SPIRE1: variants seen among roughly 807,000 people sequenced by gnomAD.
The protein encoded by SPIRE1 is spire type actin nucleation factor 1.
Under a neutral mutation model 94.1 loss-of-function variants are expected in SPIRE1, and 40 were observed. That is an observed-to-expected ratio of 0.43 (90% CI 0.33 to 0.55). The LOEUF is 0.55. Among genes scored for constraint, SPIRE1 ranks in the 20% least tolerant of loss-of-function variants. The pLI is 0.06. For synonymous variants in SPIRE1, 376 were observed against 371.7 expected (o/e 1.01, Z -0.13); for missense variants, 838 against 975.2 (o/e 0.86, Z 1.87).
At chr18:12,652,760 T>C (rs1196006676) in intron 1 of SPIRE1, among the ~76,000 whole-genome samples, 1 of 152,230 alleles carries the variant, frequency 6.6e-6, no homozygotes, top group Non-Finnish European at 1.5e-5. Context: ...ATAGCATATT[T>C]CTATTTATTT....
At chr18:12,617,184 G>T (rs2037334869) in intron 2 of SPIRE1, among the ~76,000 whole-genome samples, 1 of 147,694 alleles carries the variant, frequency 6.8e-6, no homozygotes, top group South Asian at 2.2e-4. Flanking sequence ...TTTTGAAATG[G>T]GGTCTCGCTC....
In SPIRE1 at chr18:12,657,743, G is replaced by A. The variant is rs544916918; in HGVS notation, c.124C>T (p.Leu42=). 2.0e-5 allele frequency: 28 copies of A among 1,373,484 alleles called. No individual in the cohort carries two copies. The Admixed American group carries it at 3.9e-4, about 19-fold the overall frequency. The allele number at this position is 1,373,484 out of a possible 1,614,324, so 85.1% of individuals were successfully genotyped here. A position where few individuals can be genotyped will look rare whatever the true frequency, so the allele number is the denominator to read the frequency against. The change falls in exon 1 of 17, where the codon CTG becomes TTG. Residue 42 remains leucine, a synonymous_variant. Transcript: ENST00000409402. ...TTGTACAGCCGCAGGATCTCCTCCA[G>A]GCTCAGCGCGTCCCGGGAGCCCCCG... ...AAGGSRDALS[L]EEILRLYNQP...
chr18:12,540,364 C>T (rs959843658), intron 3 of SPIRE1, among the ~76,000 whole-genome samples: 1 of 152,086 alleles, frequency 6.6e-6, no homozygotes, highest in Non-Finnish European at 1.5e-5. Flanking sequence ...TGAACTACCC[C>T]CCTCTAATTT....
chr18:12,657,426 TG>T (rs951603153), intron 1 of SPIRE1, 103 bp downstream of exon 1: 89 of 939,044 alleles, frequency 9.5e-5, no homozygotes, highest in Non-Finnish European at 1.1e-4. Context: ...CGTGGCAAAA[TG>T]GGGGGGGACG....
At chr18:12,471,147 G>T (rs1251353444) in intron 10 of SPIRE1, among the ~76,000 whole-genome samples, 1 of 151,334 alleles carries the variant, frequency 6.6e-6, no homozygotes, top group Non-Finnish European at 1.5e-5. Flanking sequence ...GCTAGCAAAG[G>T]TTATTAAAGA....
chr18:12,546,091 G>A (rs1478912963), intron 3 of SPIRE1, among the ~76,000 whole-genome samples: 2 of 151,982 alleles, frequency 1.3e-5, no homozygotes, highest in African/African-American at 2.4e-5. Flanking sequence ...CCAGGTTCAC[G>A]CCATTCTCCT....
intron 6 of SPIRE1, 91 bp downstream of exon 6, chr18:12,506,386 T>C: frequency 1.8e-6 from 2 of 1,117,322 alleles, no homozygotes; most frequent in Non-Finnish European, 1.3e-6. Flanking sequence ...CTTGAACTCC[T>C]GACCTCAGAT....
chr18:12,650,809 G>GTCAAAGCTGCAGTGAGCCGA (rs1258876099), intron 1 of SPIRE1, among the ~76,000 whole-genome samples: 1 of 150,152 alleles, frequency 6.7e-6, no homozygotes, highest in Non-Finnish European at 1.5e-5. Context: ...AATCTGGGAG[G>GTCAAAGCTGCAGTGAGCCGA]TCAAAGCTGC....
At chr18:12,640,269 A>G (rs1217558240) in intron 1 of SPIRE1, among the ~76,000 whole-genome samples, 1 of 152,226 alleles carries the variant, frequency 6.6e-6, no homozygotes, top group Non-Finnish European at 1.5e-5. Flanking sequence ...TTTAAGATAA[A>G]TGGTTCTCAG....
At chr18:12,658,534 C>G (rs1190719325), upstream of SPIRE1, 1 of 470,298 alleles carries the variant, frequency 2.1e-6, no homozygotes, top group Non-Finnish European at 4.4e-6. Flanking sequence ...GGTCACCGCC[C>G]TGCACAGCGG....
At chr18:12,644,107 G>C (rs1277202845) in intron 1 of SPIRE1, among the ~76,000 whole-genome samples, 1 of 149,878 alleles carries the variant, frequency 6.7e-6, no homozygotes, top group African/African-American at 2.5e-5. Context: ...GCTGAGGAGG[G>C]AGAATCGCTT....
chr18:12,653,834 T>A (rs2038447830), intron 1 of SPIRE1, among the ~76,000 whole-genome samples: 1 of 151,650 alleles, frequency 6.6e-6, no homozygotes, highest in Admixed American at 6.6e-5. Flanking sequence ...GAATCCCAGC[T>A]ACTCGGGAGG....
intron 10 of SPIRE1, 49 bp from the exon 11 acceptor site, chr18:12,465,007 T>C (rs776420904): frequency 3.4e-6 from 5 of 1,463,914 alleles, no homozygotes; most frequent in Admixed American, 1.8e-5. Context: ...ATTTGTGCTC[T>C]AGTGCTACGT....
At chr18:12,479,959 A>AC in intron 9 of SPIRE1, 88 bp from the exon 10 acceptor site, 1 of 1,283,912 alleles carries the variant, frequency 7.8e-7, no homozygotes. Context: ...CATTTCATAC[A>AC]AAAACACAGA....
intron 2 of SPIRE1, among the ~76,000 whole-genome samples, chr18:12,600,327 G>A (rs1396712091): frequency 6.6e-6 from 1 of 152,140 alleles, no homozygotes; most frequent in Non-Finnish European, 1.5e-5. Flanking sequence ...ATTTGTGGCT[G>A]TTTTAAGCTT....
At chr18:12,558,048 G>T (rs1004977694) in intron 2 of SPIRE1, among the ~76,000 whole-genome samples, 1 of 152,334 alleles carries the variant, frequency 6.6e-6, no homozygotes. Context: ...AGACTTAAAT[G>T]TAAGACCTCA....
At chr18:12,603,339 T>C (rs1447896747) in intron 2 of SPIRE1, among the ~76,000 whole-genome samples, 1 of 152,184 alleles carries the variant, frequency 6.6e-6, no homozygotes, top group Non-Finnish European at 1.5e-5. Flanking sequence ...TATTTTGAAA[T>C]ACATATTTGG....
At chr18:12,527,796 G>T (rs2034565200) in intron 4 of SPIRE1, among the ~76,000 whole-genome samples, 1 of 152,282 alleles carries the variant, frequency 6.6e-6, no homozygotes, top group South Asian at 2.1e-4. Context: ...GCCAGGTGCA[G>T]TGGCTCACGC....
chr18:12,649,956 T>C (rs1200268482), intron 1 of SPIRE1, among the ~76,000 whole-genome samples: 1 of 152,094 alleles, frequency 6.6e-6, no homozygotes, highest in Non-Finnish European at 1.5e-5. Context: ...AAAGTGACAG[T>C]AGGTCAGGCT....
Sources: gnomAD v4.1 joint callset for allele counts (sites outside exome capture counted in the v4.1 genomes callset) on GRCh38, gnomAD v4.1.1 for gene constraint, MANE v1.5 for transcripts, NCBI Gene and HGNC (gene_info 2026-07-23, HGNC 2026-07-21) for gene names.